Variants in USP47 observed in about 807,000 individuals in gnomAD.
The protein encoded by USP47 is ubiquitin carboxyl-terminal hydrolase 47.
USP47 carries 35 observed loss-of-function variants against 165.1 expected under a neutral mutation model. That is an observed-to-expected ratio of 0.21 (90% CI 0.16 to 0.28). The LOEUF is 0.28. Ranked by LOEUF, USP47 falls within the 10% of genes least tolerant of loss-of-function variation. The probability of loss-of-function intolerance (pLI) is 1.00; values close to 1 mark genes in which losing one functional copy is unlikely to be tolerated. For missense variants in USP47, 1,277 were observed against 1,607.4 expected (o/e 0.79, Z 3.52); for synonymous variants, 531 against 544.5 (o/e 0.98, Z 0.35).
intron 2 of USP47, among the ~76,000 whole-genome samples, chr11:11,884,234 A>G (rs1465501768): frequency 6.6e-6 from 1 of 151,940 alleles, no homozygotes; most frequent in Non-Finnish European, 1.5e-5. Context: ...TTCTCTTTTT[A>G]GTTTGTTAGA....
chr11:11,910,183 TA>T (rs1852861402), intron 8 of USP47, among the ~76,000 whole-genome samples: 1 of 152,144 alleles, frequency 6.6e-6, no homozygotes. Flanking sequence ...TTGAGCATTA[TA>T]TGTAAAATAA....
rs2134846528 is a variant in USP47, at chr11:11,948,203, T to G, written c.3267+83T>G. The G allele has an allele frequency of 3.5e-6, 5 of 1,436,384 alleles. No homozygotes were observed. In the East Asian group the frequency reaches 1.2e-4, roughly 34 times the overall value. The allele number at this position is 1,436,384 out of a possible 1,614,324, so 89.0% of individuals were successfully genotyped here. On this transcript the variant is annotated intron_variant, in intron 21 of 27. Transcript: ENST00000527733. ...CAGCTTTTACTACTTCCAAGTGAGG[T>G]GAAGTAGATAAACTGGAAGGATTTT...
intron 1 of USP47, chr11:11,873,908 A>G: frequency 8.9e-7 from 1 of 1,117,406 alleles, no homozygotes; most frequent in Non-Finnish European, 1.2e-6. Context: ...CAGAGCAAGT[A>G]ACAGCATGTT....
intron 1 of USP47, among the ~76,000 whole-genome samples, chr11:11,867,048 C>T (rs146986652): frequency 1.3e-5 from 2 of 152,238 alleles, no homozygotes; most frequent in African/African-American, 4.8e-5. Flanking sequence ...CAGGTGTGTG[C>T]CACCACACCC....
At chr11:11,871,759 C>T in intron 1 of USP47, among the ~76,000 whole-genome samples, 1 of 152,128 alleles carries the variant, frequency 6.6e-6, no homozygotes, top group Non-Finnish European at 1.5e-5. Flanking sequence ...CTTTCCACCC[C>T]TTGAACTCCC....
intron 14 of USP47, 143 bp from the exon 15 acceptor site, chr11:11,932,861 C>T: frequency 3.3e-6 from 2 of 609,406 alleles, no homozygotes; most frequent in African/African-American, 1.9e-5. Flanking sequence ...GCTTGTATTC[C>T]AAGTTGAGAG....
At chr11:11,911,502 CCACAGA>C (rs1407414713) in intron 8 of USP47, among the ~76,000 whole-genome samples, 1 of 151,946 alleles carries the variant, frequency 6.6e-6, no homozygotes, top group Admixed American at 6.6e-5. Context: ...AAGAAAATTA[CCACAGA>C]CAGAGAGGGC....
intron 25 of USP47, among the ~76,000 whole-genome samples, 166 bp downstream of exon 25, chr11:11,953,037 C>T (rs1203723358): frequency 6.6e-6 from 1 of 152,128 alleles, no homozygotes; most frequent in African/African-American, 2.4e-5. Context: ...TGGTTTCTGT[C>T]ACACCTTGTG....
At chr11:11,875,348 A>AT (rs886915537) in intron 1 of USP47, among the ~76,000 whole-genome samples, 61 of 152,180 alleles carry the variant, frequency 4.0e-4, no homozygotes, top group African/African-American at 1.4e-3. Flanking sequence ...ACATAGGAGT[A>AT]TTTTTTTGAA....
chr11:11,895,152 T>C (rs1056159405), intron 4 of USP47, among the ~76,000 whole-genome samples: 4 of 152,210 alleles, frequency 2.6e-5, no homozygotes, highest in African/African-American at 9.6e-5. Context: ...CATCTCTGAT[T>C]ATTTCCTAAA....
intron 1 of USP47, among the ~76,000 whole-genome samples, chr11:11,842,626 C>T (rs1848195546): frequency 6.6e-6 from 1 of 150,762 alleles, no homozygotes; most frequent in South Asian, 2.1e-4. Flanking sequence ...TTGACAGTGG[C>T]AGCGTATAGC....
chr11:11,919,191 C>A (rs1056800522), intron 8 of USP47, among the ~76,000 whole-genome samples: 1 of 152,010 alleles, frequency 6.6e-6, no homozygotes, highest in Non-Finnish European at 1.5e-5. Context: ...GTTTTCTAAG[C>A]TTTGCCAGAT....
chr11:11,905,403 A>C lies in USP47; in HGVS notation c.824A>C (p.Asp275Ala), dbSNP rs1564872915. The C allele has an allele frequency of 1.9e-6, 3 of 1,573,402 alleles. No homozygotes were observed. The highest frequency in any genetic ancestry group is 2.6e-6 in the Non-Finnish European group (3 of 1,155,306). The part of the protein sequence containing the change: ...EQKWKQTEQA[D>A]LINELYQGKL... ...ATGTAAATATTTTATTTTTAGGCTGATCTTATAAATGAGCTATATCAAGGC... is the reference window on the plus strand; with the variant it reads ...ATGTAAATATTTTATTTTTAGGCTGCTCTTATAAATGAGCTATATCAAGGC... The change falls in exon 8 of 28, where the codon GAT (aspartate) becomes GCT (alanine). Residue 275 changes from aspartate (D) to alanine (A), a missense_variant. Around this residue, in one of 4 missense-constraint regions of USP47, gnomAD observed 175 missense variants for 295.8 expected, o/e 0.59. Transcript: ENST00000527733.
intron 1 of USP47, among the ~76,000 whole-genome samples, chr11:11,861,306 G>C (rs945980636): frequency 2.6e-5 from 4 of 152,078 alleles, no homozygotes; most frequent in Non-Finnish European, 4.4e-5. Flanking sequence ...ATGTTGGCTA[G>C]GGTGGTCTCG....
intron 5 of USP47, among the ~76,000 whole-genome samples, chr11:11,901,334 A>C (rs1245043311): frequency 6.6e-6 from 1 of 152,210 alleles, no homozygotes; most frequent in Non-Finnish European, 1.5e-5. Context: ...GGGAAATAGT[A>C]ATCTTACTCC....
intron 8 of USP47, among the ~76,000 whole-genome samples, chr11:11,918,212 A>G (rs1590374456): frequency 6.6e-6 from 1 of 152,132 alleles, no homozygotes. Context: ...CTAATAATGA[A>G]GAACATCAGA....
intron 4 of USP47, among the ~76,000 whole-genome samples, chr11:11,897,130 T>C (rs537791240): frequency 2.0e-5 from 3 of 150,992 alleles, no homozygotes; most frequent in African/African-American, 4.9e-5. Context: ...CTTATAGGGC[T>C]TGATGACAGG....
intron 25 of USP47, among the ~76,000 whole-genome samples, chr11:11,954,140 C>T (rs971700356): frequency 6.6e-6 from 1 of 152,052 alleles, no homozygotes. Flanking sequence ...ATTTTAGCTA[C>T]TCAGGAGGCT....
At chr11:11,843,341 T>C (rs781035025) in intron 1 of USP47, among the ~76,000 whole-genome samples, 43 of 152,224 alleles carry the variant, frequency 2.8e-4, no homozygotes, top group Non-Finnish European at 4.4e-4. Flanking sequence ...GATAGTTGTT[T>C]TGCAAGGACG....
Sources: allele counts gnomAD v4.1 joint callset (sites outside exome capture counted in the v4.1 genomes callset), GRCh38; gene constraint gnomAD v4.1.1; regional missense constraint gnomAD v4.1.1; transcripts MANE v1.5; gene names NCBI Gene and HGNC (gene_info 2026-07-23, HGNC 2026-07-21).